The following CREBZF variants were observed in gnomAD, a reference collection of about 807,000 sequenced individuals.
The protein encoded by CREBZF is HCF-binding transcription factor Zhangfei.
A neutral mutation model predicts 21.1 loss-of-function variants in CREBZF; 8 were observed. The observed-to-expected ratio is 0.38, with a 90% CI of 0.22 to 0.68. The LOEUF is 0.68. CREBZF is among the 30% of genes least tolerant of loss of function. The probability of loss-of-function intolerance (pLI) is 0.51; values close to 1 mark genes in which losing one functional copy is unlikely to be tolerated. For synonymous variants in CREBZF, 270 were observed against 223.3 expected (o/e 1.21, Z -1.86); for missense variants, 518 against 484.3 (o/e 1.07, Z -0.65).
At position 85,658,394 on chromosome 11, in the gene CREBZF, A is replaced by T. The variant is rs1202459211; in HGVS notation, c.*5417T>A. On this transcript the variant is annotated 3_prime_UTR_variant, in exon 1 of 1. Coordinates refer to ENST00000527447, the MANE Select transcript of CREBZF (RefSeq NM_001039618.4). ...ATTTCTAATATCTGTCCTCTGCCAC[A>T]TATTTTTAAATTATCTTTTCCATTA... Among the ~76,000 whole-genome samples the T allele has an allele frequency of 6.6e-6, 1 of 152,056 alleles. No homozygotes were observed. The highest frequency in any genetic ancestry group is 2.4e-5 in the African/African-American group (1 of 41,448).
chr11:85,671,722 C>T (rs1451540884), intron 1 of CREBZF, among the ~76,000 whole-genome samples: 1 of 152,236 alleles, frequency 6.6e-6, no homozygotes, highest in East Asian at 1.9e-4. Context: ...ACCCAAGTCA[C>T]ATTGACATAA....
chr11:85,668,470 T>C (rs1188021217), upstream of CREBZF, among the ~76,000 whole-genome samples: 1 of 152,200 alleles, frequency 6.6e-6, no homozygotes, highest in Non-Finnish European at 1.5e-5. Context: ...CACCAAACTT[T>C]CTTGTTTTAA....
chr11:85,665,728 T>C (rs769866857), upstream of CREBZF, among the ~76,000 whole-genome samples: 3 of 152,174 alleles, frequency 2.0e-5, no homozygotes, highest in Non-Finnish European at 4.4e-5. Flanking sequence ...TGTCTTCAGT[T>C]GTTCTTGCCA....
upstream of CREBZF, among the ~76,000 whole-genome samples, chr11:85,667,289 T>A (rs2082879113): frequency 1.3e-5 from 2 of 149,310 alleles, no homozygotes; most frequent in South Asian, 4.4e-4. Flanking sequence ...GTCAGGCTGG[T>A]CTCGAACTCC....
chr11:85,668,779 G>A (rs1023704840), upstream of CREBZF, among the ~76,000 whole-genome samples: 1 of 151,396 alleles, frequency 6.6e-6, no homozygotes, highest in African/African-American at 2.4e-5. Context: ...GAGGCGGGCG[G>A]ATCACGAGGT....
rs374253975 is a variant in CREBZF, at chr11:85,676,087, C to T, written n.147+6630G>A. Among the ~76,000 whole-genome samples the T allele has an allele frequency of 4.2e-4, 64 of 152,326 alleles. No individual in the cohort carries two copies. In the East Asian group the frequency reaches 8.5e-3, roughly 20 times the overall value. ...ATATATTTTATTTTAAAATTACCATCATTTGTAACCAACTGAAATAGTGAG... is the reference window on the plus strand; with the variant it reads ...ATATATTTTATTTTAAAATTACCATTATTTGTAACCAACTGAAATAGTGAG... On this transcript the variant is annotated intron_variant and non_coding_transcript_variant, in intron 1 of 3. Transcript: ENST00000531515.
intron 1 of CREBZF, among the ~76,000 whole-genome samples, chr11:85,674,604 G>T (rs1270937485): frequency 6.6e-6 from 1 of 152,202 alleles, no homozygotes; most frequent in Non-Finnish European, 1.5e-5. Context: ...AAGAGAGTCA[G>T]CCTGTCCTTT....
rs542258778 is a variant in CREBZF at position 85,658,125 on chromosome 11, A to G, written c.*5686T>C. Among the ~76,000 whole-genome samples, 3 of 152,106 alleles carry G rather than the reference A, an allele frequency of 2.0e-5. No individual in the cohort carries two copies. The highest frequency in any genetic ancestry group is 7.2e-5 in the African/African-American group (3 of 41,564). On this transcript the variant is annotated 3_prime_UTR_variant, in exon 1 of 1. Coordinates refer to ENST00000527447, the MANE Select transcript of CREBZF (RefSeq NM_001039618.4). Reference sequence around the variant, plus strand: ...GCAGAGTTCTACTCATCCCAGTGAAAAAAACAATGAATTAAAAGTAATTTC... The same window carrying G: ...GCAGAGTTCTACTCATCCCAGTGAAGAAAACAATGAATTAAAAGTAATTTC...
intron 1 of CREBZF, among the ~76,000 whole-genome samples, chr11:85,682,430 C>A (rs2153331013): frequency 6.6e-6 from 1 of 152,212 alleles, no homozygotes; most frequent in East Asian, 1.9e-4. Context: ...TTAGGGTGAA[C>A]CTTATAAAAT....
chr11:85,669,872 A>G (rs1409185305), upstream of CREBZF, among the ~76,000 whole-genome samples: 1 of 152,152 alleles, frequency 6.6e-6, no homozygotes, highest in Non-Finnish European at 1.5e-5. Flanking sequence ...CAGTGACACA[A>G]TCTCAGCTCA....
Position 85,659,040 on chromosome 11 carries a change from A to G in CREBZF, c.*4771T>C, listed in dbSNP as rs1410800240. ...CTGAAAAATACTGTGCTGGCCACACAACACTACAAATTTCTAATGGAAGAA... is the reference window on the plus strand; with the variant it reads ...CTGAAAAATACTGTGCTGGCCACACGACACTACAAATTTCTAATGGAAGAA... On this transcript the variant is annotated 3_prime_UTR_variant, in exon 1 of 1. Transcript: ENST00000527447. 6.6e-6 allele frequency among the ~76,000 whole-genome samples: 1 copy of G among 152,068 alleles called. No individual in the cohort carries two copies. The highest frequency in any genetic ancestry group is 2.4e-5 in the African/African-American group (1 of 41,446).
rs945902451 is a variant in CREBZF at position 85,661,899 on chromosome 11, C to T, written c.*1912G>A. 1 of 151,424 alleles carries T rather than the reference C, an allele frequency of 6.6e-6. No individual in the cohort carries two copies. Among genetic ancestry groups the T allele is most frequent in the African/African-American group, 2.4e-5 (1 of 41,140 alleles). The allele number at this position is 151,424 out of a possible 1,614,324, so 9.4% of individuals were successfully genotyped here. Reference sequence around the variant, plus strand: ...TCTGTTTCAAAAAAGCTACATTTAACATATTTCATAAAGATAGCACAAATT... The same window carrying T: ...TCTGTTTCAAAAAAGCTACATTTAATATATTTCATAAAGATAGCACAAATT... On this transcript the variant is annotated 3_prime_UTR_variant, in exon 1 of 1. Transcript: ENST00000527447.
intron 1 of CREBZF, among the ~76,000 whole-genome samples, chr11:85,673,228 T>C (rs1466283920): frequency 1.3e-5 from 2 of 152,200 alleles, no homozygotes; most frequent in Non-Finnish European, 2.9e-5. Context: ...TACTGGATTT[T>C]CTATAGCAGA....
chr11:85,665,055 G>C lies in CREBZF; in HGVS notation c.-180C>G. On this transcript the variant is annotated 5_prime_UTR_variant, in exon 1 of 1. Transcript: ENST00000527447. ...GACCCCCCGCGCCAAGGCGCGGGGA[G>C]GGACGGGAGAACGAAGCGGTGAGGC... 2.2e-6 allele frequency: 1 copy of C among 445,558 alleles called. No homozygotes were observed. 27.6% of individuals were successfully genotyped at this position (445,558 alleles called of 1,614,324 possible).
intron 1 of CREBZF, among the ~76,000 whole-genome samples, chr11:85,674,100 C>T (rs544651378): frequency 3.3e-5 from 5 of 152,276 alleles, no homozygotes; most frequent in South Asian, 4.1e-4. Flanking sequence ...TCCAAACAAA[C>T]GTTCTCAATG....
intron 1 of CREBZF, among the ~76,000 whole-genome samples, chr11:85,672,896 C>T (rs1211112485): frequency 6.6e-6 from 1 of 152,192 alleles, no homozygotes; most frequent in African/African-American, 2.4e-5. Context: ...TCTTAAGGGG[C>T]TGGCTACCAC....
chr11:85,675,674 T>C (rs1003320944), intron 1 of CREBZF, among the ~76,000 whole-genome samples: 2 of 152,124 alleles, frequency 1.3e-5, no homozygotes, highest in African/African-American at 4.8e-5. Flanking sequence ...GCTCAACTTA[T>C]GGTTGCCACA....
intron 1 of CREBZF, among the ~76,000 whole-genome samples, chr11:85,672,692 TGA>T (rs1413442264): frequency 2.6e-5 from 4 of 152,160 alleles, no homozygotes; most frequent in Non-Finnish European, 5.9e-5. Context: ...GGCCCATGTG[TGA>T]GTGTCTACAC....
At chr11:85,673,038 A>G (rs1245931332) in intron 1 of CREBZF, among the ~76,000 whole-genome samples, 1 of 152,200 alleles carries the variant, frequency 6.6e-6, no homozygotes, top group Non-Finnish European at 1.5e-5. Context: ...GCACCTTCCA[A>G]ATATGGCTGC....
Sources: allele counts gnomAD v4.1 joint callset (sites outside exome capture counted in the v4.1 genomes callset), GRCh38; gene constraint gnomAD v4.1.1; transcripts MANE v1.5; gene names NCBI Gene and HGNC (gene_info 2026-07-23, HGNC 2026-07-21).